ABCB11: variants seen among roughly 807,000 people sequenced by gnomAD.
ABCB11 encodes bile salt export pump.
ABCB11 carries 95 observed loss-of-function variants against 148.0 expected under a neutral mutation model. The observed-to-expected ratio is 0.64, with a 90% CI of 0.54 to 0.76. The LOEUF (loss-of-function observed/expected upper bound fraction) is 0.76. Ranked by LOEUF, ABCB11 falls within the 30% of genes least tolerant of loss-of-function variation. The pLI is 0.00. For synonymous variants in ABCB11, 591 were observed against 555.4 expected (o/e 1.06, Z -0.90); for missense variants, 1,523 against 1,617.8 (o/e 0.94, Z 1.01).
intron 17 of ABCB11, among the ~76,000 whole-genome samples, chr2:168,965,281 G>T (rs1405072643): frequency 6.6e-6 from 1 of 151,734 alleles, no homozygotes; most frequent in Admixed American, 6.6e-5. Context: ...GAAGTGATTG[G>T]TTCAGACTCC....
intron 1 of ABCB11, among the ~76,000 whole-genome samples, chr2:169,022,118 T>A (rs1226295511): frequency 6.6e-6 from 1 of 151,996 alleles, no homozygotes; most frequent in Non-Finnish European, 1.5e-5. Flanking sequence ...ATGTAAAATC[T>A]TGTGGGCTAC....
chr2:168,973,729 G>T lies in ABCB11; in HGVS notation c.1420C>A (p.Pro474Thr). 6.2e-7 allele frequency: 1 copy of T among 1,611,832 alleles called. No individual in the cohort carries two copies. The change falls in exon 13 of 28, where the codon CCC (proline) becomes ACC (threonine). Residue 474 changes from proline to threonine, a missense_variant. Transcript: ENST00000650372. ...ALQLIQRFYD[P>T]CEGMVTVDGH... ...AAGACACCCACCATTCCTTCACAGG[G>T]GTCATAGAATCGCTGAATGAGTTGC...
intron 11 of ABCB11, among the ~76,000 whole-genome samples, chr2:168,977,776 T>C (rs1208212676): frequency 2.0e-5 from 3 of 152,056 alleles, no homozygotes; most frequent in East Asian, 1.9e-4. Flanking sequence ...AGAGAGCGCA[T>C]AGGGGAAACT....
At chr2:169,017,726 C>T (rs1169259937) in intron 2 of ABCB11, among the ~76,000 whole-genome samples, 1 of 152,050 alleles carries the variant, frequency 6.6e-6, no homozygotes, top group Non-Finnish European at 1.5e-5. Context: ...GGAGCGCTCA[C>T]TCAATTATGA....
intron 19 of ABCB11, among the ~76,000 whole-genome samples, chr2:168,949,571 C>T (rs149047750): frequency 6.6e-6 from 1 of 151,480 alleles, no homozygotes; most frequent in Admixed American, 6.6e-5. Context: ...CATGGTATAT[C>T]GTATTTTCTT....
chr2:169,027,842 C>G (rs1353313803), intron 1 of ABCB11, among the ~76,000 whole-genome samples: 1 of 151,980 alleles, frequency 6.6e-6, no homozygotes, highest in Non-Finnish European at 1.5e-5. Context: ...GATGGACAGG[C>G]TGATCTTCAC....
intron 1 of ABCB11, among the ~76,000 whole-genome samples, chr2:169,020,398 T>C (rs1295448928): frequency 6.6e-6 from 1 of 151,828 alleles, no homozygotes; most frequent in East Asian, 1.9e-4. Context: ...AGTTTCTAAA[T>C]AAGCAAAGGA....
chr2:168,941,634 G>A (rs546737866), intron 21 of ABCB11, among the ~76,000 whole-genome samples: 94 of 152,178 alleles, frequency 6.2e-4, no homozygotes, highest in Non-Finnish European at 1.0e-3. Context: ...TAGCAGCAGG[G>A]TTTAAGAGAA....
downstream of ABCB11, among the ~76,000 whole-genome samples, chr2:168,918,356 A>C (rs1041237593): frequency 6.6e-6 from 1 of 152,224 alleles, no homozygotes; most frequent in Non-Finnish European, 1.5e-5. Flanking sequence ...TTCTGGTCAC[A>C]CAGAGGACAA....
rs1693599346 is a variant in ABCB11 at position 168,971,979 on chromosome 2, C to T, written c.1506G>A (p.Glu502=). The change falls in exon 14 of 28, where the codon GAG becomes GAA. Residue 502 remains glutamate, a synonymous_variant. Transcript: ENST00000650372. The part of the protein sequence containing the change: ...QWLRDQIGIV[E]QEPVLFSTTI... ...TGGTAGAGAACAGAACTGGCTCTTG[C>T]TCCACTATCCCAATCTGATCTCTAA... The T allele has an allele frequency of 6.2e-7, 1 of 1,613,034 alleles. No individual in the cohort carries two copies. Among genetic ancestry groups the T allele is most frequent in the Non-Finnish European group, 8.5e-7 (1 of 1,179,404 alleles).
intron 18 of ABCB11, among the ~76,000 whole-genome samples, chr2:168,958,996 C>T (rs945796549): frequency 6.6e-6 from 1 of 151,668 alleles, no homozygotes; most frequent in African/African-American, 2.4e-5. Flanking sequence ...AAAATATATA[C>T]AGCAAATCGA....
chr2:169,014,255 A>G lies in ABCB11; in HGVS notation c.150+48T>C, dbSNP rs371323626. 2.5e-6 allele frequency: 4 copies of G among 1,568,704 alleles called. No individual in the cohort carries two copies. The African/African-American group carries it at 5.4e-5, about 21-fold the overall frequency. On this transcript the variant is annotated intron_variant, in intron 4 of 27. Transcript: ENST00000650372. ...TTAACACTCCCCTCATGATCTAAAC[A>G]ATTTATAGCTGCACACCCACTGCCA...
Position 168,990,865 on chromosome 2 carries a change from C to T in ABCB11, c.844G>A (p.Asp282Asn). 1 of 1,613,272 alleles carries T rather than the reference C, an allele frequency of 6.2e-7. No individual in the cohort carries two copies. Among genetic ancestry groups the T allele is most frequent in the Non-Finnish European group, 8.5e-7 (1 of 1,179,398 alleles). ...GTTCTCATTGATGAAATGACTTCAT[C>T]AGCCACCACCCCTGCTTTGGCATAG... ...KAYAKAGVVA[D>N]EVISSMRTVA... is the part of the protein sequence containing the mutation. Residue 282 changes from aspartate to asparagine, a missense_variant, in exon 9 of 28, where the codon GAT becomes AAT. Asp to Asn is a conservative substitution (Grantham distance 23). Coordinates refer to ENST00000650372, the MANE Select transcript of ABCB11 (RefSeq NM_003742.4).
downstream of ABCB11, among the ~76,000 whole-genome samples, chr2:168,915,484 A>C (rs1426769275): frequency 6.6e-6 from 1 of 152,238 alleles, no homozygotes; most frequent in Non-Finnish European, 1.5e-5. Flanking sequence ...CAACAACAAC[A>C]ACAAACACAA....
intron 1 of ABCB11, among the ~76,000 whole-genome samples, chr2:169,019,156 T>C (rs187056840): frequency 4.6e-5 from 7 of 152,100 alleles, no homozygotes; most frequent in Middle Eastern, 3.4e-3. Context: ...TGCAGACCCA[T>C]GGAGGTCACA....
chr2:169,008,942 C>T (rs78896123), intron 5 of ABCB11, among the ~76,000 whole-genome samples: 1,843 of 152,146 alleles, frequency 0.012, 25 homozygotes, highest in Non-Finnish European at 0.019. Flanking sequence ...ATCCATATAA[C>T]GAAATATTAT....
chr2:168,969,846 A>T (rs1352378080), intron 15 of ABCB11, among the ~76,000 whole-genome samples, 199 bp downstream of exon 15: 2 of 152,054 alleles, frequency 1.3e-5, no homozygotes, highest in Non-Finnish European at 2.9e-5. Flanking sequence ...TAGCTTTTGG[A>T]AACAAATTAC....
chr2:169,010,906 G>T (rs905130616), intron 5 of ABCB11, among the ~76,000 whole-genome samples: 1 of 152,104 alleles, frequency 6.6e-6, no homozygotes, highest in African/African-American at 2.4e-5. Context: ...TTTTTAAAAA[G>T]AAAAGGACAA....
chr2:168,923,870 C>T (rs771221418), intron 27 of ABCB11, 48 bp from the exon 28 acceptor site: 125 of 1,572,960 alleles, frequency 7.9e-5, no homozygotes, highest in Non-Finnish European at 4.9e-5. Context: ...TGATTGCTCC[C>T]CAGCCCACCA....
Sources: gnomAD v4.1 joint callset for allele counts (sites outside exome capture counted in the v4.1 genomes callset) on GRCh38, gnomAD v4.1.1 for gene constraint, MANE v1.5 for transcripts, NCBI Gene and HGNC (gene_info 2026-07-23, HGNC 2026-07-21) for gene names.